The following DAZAP2 variants were observed in gnomAD, a reference collection of about 807,000 sequenced individuals.
DAZAP2 encodes the protein DAZ associated protein 2, also known as DAZ-associated protein 2.
DAZAP2 carries 3 observed loss-of-function variants against 16.2 expected under a neutral mutation model. The ratio of observed to expected loss-of-function variants is 0.19; its 90% CI spans 0.08 to 0.48. DAZAP2 has a LOEUF of 0.48. Among genes scored for constraint, DAZAP2 ranks in the 20% least tolerant of loss-of-function variants. The pLI is 0.98. For synonymous variants in DAZAP2, 69 were observed against 77.6 expected (o/e 0.89, Z 0.58); for missense variants, 172 against 215.9 (o/e 0.80, Z 1.27).
intron 3 of DAZAP2, among the ~76,000 whole-genome samples, chr12:51,241,438 T>C (rs962351336): frequency 1.4e-4 from 22 of 152,176 alleles, no homozygotes; most frequent in African/African-American, 5.3e-4. Flanking sequence ...ATTTACTTAA[T>C]ATTTGCCATC....
Position 51,242,794 on chromosome 12 carries a change from G to T in DAZAP2, c.*336G>T. On this transcript the variant is annotated 3_prime_UTR_variant, in exon 4 of 4. Transcript: ENST00000412716. ...GTAATAAAACATCAAATTAGGTTTG[G>T]AGGGAACTTTGATCTTCCTAAGAAT... The T allele has an allele frequency of 7.1e-7, 1 of 1,403,876 alleles. No homozygotes were observed. Among genetic ancestry groups the T allele is most frequent in the Non-Finnish European group, 9.2e-7 (1 of 1,086,256 alleles). The allele number at this position is 1,403,876 out of a possible 1,614,324, so 87.0% of individuals were successfully genotyped here. A position where few individuals can be genotyped will look rare whatever the true frequency, so the allele number is the denominator to read the frequency against.
At position 51,243,331 on chromosome 12, in the gene DAZAP2, A is replaced by G. The variant is rs754989656; in HGVS notation, c.*873A>G. On this transcript the variant is annotated 3_prime_UTR_variant, in exon 4 of 4. Transcript: ENST00000412716. ...GGGGCAAGGAGGAGGATGCATTTCA[A>G]AAGCTTGATTGATGTGTTCAGAGCT... is the stretch of plus-strand genomic sequence containing the variant. The G allele has an allele frequency of 1.0e-6, 1 of 985,862 alleles. No individual in the cohort carries two copies. The highest frequency in any genetic ancestry group is 1.2e-6 in the Non-Finnish European group (1 of 829,944). The allele number at this position is 985,862 out of a possible 1,614,324, so 61.1% of individuals were successfully genotyped here. A position where few individuals can be genotyped will look rare whatever the true frequency, so the allele number is the denominator to read the frequency against.
chr12:51,240,117 G>C (rs1944645363), intron 1 of DAZAP2: 7 of 548,234 alleles, frequency 1.3e-5, no homozygotes, highest in Non-Finnish European at 2.3e-5. Context: ...TATGTTAGTA[G>C]GAGCAGTGAG....
chr12:51,241,732 C>G (rs1944680920), intron 3 of DAZAP2, among the ~76,000 whole-genome samples: 2 of 151,950 alleles, frequency 1.3e-5, no homozygotes, highest in Admixed American at 1.3e-4. Flanking sequence ...ACCAGGCTGG[C>G]CAACATGGTG....
Position 51,242,310 on chromosome 12 carries a change from A to C in DAZAP2, c.379-20A>C, listed in dbSNP as rs1389888647. The C allele has an allele frequency of 6.4e-7, 1 of 1,566,662 alleles. No individual in the cohort carries two copies. The highest frequency in any genetic ancestry group is 1.9e-5 in the Admixed American group (1 of 53,244). Reference sequence around the variant, plus strand: ...ATATTAGCTGCCCTGTGCCCATTCTATCATGTCATTTCCTTTCAGCCTCCA... The same window carrying C: ...ATATTAGCTGCCCTGTGCCCATTCTCTCATGTCATTTCCTTTCAGCCTCCA... On this transcript the variant is annotated intron_variant, in intron 3 of 3. Transcript: ENST00000412716.
chr12:51,244,649 ACTTAT>A (rs1944740620), downstream of DAZAP2: 3 of 152,120 alleles, frequency 2.0e-5, no homozygotes, highest in African/African-American at 4.8e-5. Context: ...TTTAAACACA[ACTTAT>A]CTTGAGACTA....
At chr12:51,246,453 CCT>C, downstream of DAZAP2, 3 of 427,002 alleles carry the variant, frequency 7.0e-6, no homozygotes, top group South Asian at 5.2e-5. Context: ...TGATCCTCCC[CCT>C]CTTCCTCACC....
chr12:51,242,083 G>A (rs1406161720), intron 3 of DAZAP2, among the ~76,000 whole-genome samples: 2 of 152,136 alleles, frequency 1.3e-5, no homozygotes, highest in Admixed American at 1.3e-4. Flanking sequence ...ATGTTCAGAA[G>A]GTAGCCATAG....
chr12:51,244,490 C>T (rs1944738092), downstream of DAZAP2: 1 of 152,242 alleles, frequency 6.6e-6, no homozygotes, highest in Non-Finnish European at 1.5e-5. Context: ...GTCACTGCAC[C>T]CAGCCAGATT....
chr12:51,244,680 C>T (rs1181274748), downstream of DAZAP2: 1 of 152,176 alleles, frequency 6.6e-6, no homozygotes, highest in Non-Finnish European at 1.5e-5. Flanking sequence ...CAAGAAGCTT[C>T]TTGGCTTGAT....
chr12:51,246,202 T>G (rs1232132267), downstream of DAZAP2: 55 of 1,544,482 alleles, frequency 3.6e-5, no homozygotes, highest in Non-Finnish European at 4.6e-5. Context: ...ATTTAGTCAC[T>G]GTTTTCGTAA....
At chr12:51,239,532 A>G (rs889444178) in intron 1 of DAZAP2, 1 of 151,490 alleles carries the variant, frequency 6.6e-6, no homozygotes, top group Non-Finnish European at 1.5e-5. Flanking sequence ...TAATCCCAGC[A>G]GTTTGGGAGG....
At chr12:51,244,100 A>G (rs1372336829), downstream of DAZAP2, among the ~76,000 whole-genome samples, 1 of 152,200 alleles carries the variant, frequency 6.6e-6, no homozygotes, top group Non-Finnish European at 1.5e-5. Flanking sequence ...TGGTATAGCA[A>G]TTTGTATACG....
chr12:51,240,105 G>T, intron 1 of DAZAP2: 2 of 517,234 alleles, frequency 3.9e-6, no homozygotes, highest in East Asian at 3.4e-5. Flanking sequence ...CCCTTACTTC[G>T]GTATGTTAGT....
At chr12:51,241,221 TTGGTAC>T in intron 3 of DAZAP2, 105 bp downstream of exon 3, 1 of 1,507,834 alleles carries the variant, frequency 6.6e-7, no homozygotes, top group Non-Finnish European at 8.9e-7. Flanking sequence ...GTTGCCAGTG[TTGGTAC>T]AACTACTGAC....
chr12:51,239,152 G>A (rs1944613008), intron 1 of DAZAP2: 2 of 576,382 alleles, frequency 3.5e-6, no homozygotes, highest in Non-Finnish European at 5.8e-6. Context: ...TGGAGCTGCG[G>A]GCTCGGGTGG....
downstream of DAZAP2, chr12:51,246,603 G>GCT (rs746952755): frequency 5.8e-5 from 20 of 344,660 alleles, no homozygotes; most frequent in African/African-American, 5.3e-4. Flanking sequence ...GTCTTTTATG[G>GCT]CTGTGTGTGT....
chr12:51,241,915 C>CTA, intron 3 of DAZAP2, among the ~76,000 whole-genome samples: 1 of 150,302 alleles, frequency 6.7e-6, no homozygotes, highest in East Asian at 1.9e-4. Flanking sequence ...GAGCAAGACT[C>CTA]TATCTCAAAA....
chr12:51,240,168 T>C lies in DAZAP2; in HGVS notation c.14-175T>C, dbSNP rs564269429. On this transcript the variant is annotated intron_variant, in intron 1 of 3. Coordinates refer to ENST00000412716, the MANE Select transcript of DAZAP2 (RefSeq NM_014764.4). ...CTCGTTAGAATCCAGCACCTTCCAT[T>C]TTAAGGGTGCAAAGACAATGCATAT... 102 of 614,360 alleles carry C rather than the reference T, an allele frequency of 1.7e-4. No individual in the cohort carries two copies. The East Asian group carries it at 2.7e-3, about 16-fold the overall frequency. 38.1% of individuals were successfully genotyped at this position (614,360 alleles called of 1,614,324 possible). A position where few individuals can be genotyped will look rare whatever the true frequency, so the allele number is the denominator to read the frequency against.
Sources: gnomAD v4.1 joint callset for allele counts (sites outside exome capture counted in the v4.1 genomes callset) on GRCh38, gnomAD v4.1.1 for gene constraint, MANE v1.5 for transcripts, NCBI Gene and HGNC (gene_info 2026-07-23, HGNC 2026-07-21) for gene names.